TMEM132D: variants seen among roughly 807,000 people sequenced by gnomAD.
TMEM132D encodes transmembrane protein 132D.
TMEM132D carries 21 observed loss-of-function variants against 62.3 expected under a neutral mutation model. The ratio of observed to expected loss-of-function variants is 0.34; its 90% CI spans 0.24 to 0.49. The LOEUF (loss-of-function observed/expected upper bound fraction) is 0.49, where lower values mean the gene tolerates loss of function less well. Ranked by LOEUF, TMEM132D falls within the 20% of genes least tolerant of loss-of-function variation. The probability of loss-of-function intolerance (pLI) is 0.99; values close to 1 mark genes in which losing one functional copy is unlikely to be tolerated. For synonymous variants in TMEM132D, 621 were observed against 575.6 expected, an observed-to-expected ratio of 1.08 and a Z score of -1.13; for missense variants, 1,346 against 1,402.8, an observed-to-expected ratio of 0.96 and a Z score of 0.65.
At chr12:129,192,316 A>G (rs528948740) in intron 5 of TMEM132D, among the ~76,000 whole-genome samples, 2 of 138,370 alleles carry the variant, frequency 1.4e-5, no homozygotes, top group Non-Finnish European at 3.3e-5. Flanking sequence ...TGTAGCCATG[A>G]CCTCCAAAGT....
chr12:129,095,650 C>G (rs968542122), intron 5 of TMEM132D, among the ~76,000 whole-genome samples: 2 of 152,102 alleles, frequency 1.3e-5, no homozygotes, highest in African/African-American at 2.4e-5. Flanking sequence ...CTGTGCCTGG[C>G]CTGGTTTCCT....
intron 3 of TMEM132D, among the ~76,000 whole-genome samples, chr12:129,376,969 G>T (rs1263219416): frequency 6.6e-6 from 1 of 152,192 alleles, no homozygotes; most frequent in Non-Finnish European, 1.5e-5. Flanking sequence ...TTCCTTGTGT[G>T]TCCCATAAGT....
intron 3 of TMEM132D, among the ~76,000 whole-genome samples, chr12:129,445,288 CA>C (rs1873063209): frequency 6.6e-6 from 1 of 152,008 alleles, no homozygotes; most frequent in Admixed American, 6.6e-5. Context: ...AAGAGGGGAA[CA>C]ACACGCTGGG....
intron 3 of TMEM132D, among the ~76,000 whole-genome samples, chr12:129,471,659 G>C (rs1874096649): frequency 6.6e-6 from 1 of 152,182 alleles, no homozygotes; most frequent in Non-Finnish European, 1.5e-5. Context: ...CATGAGGAAG[G>C]CATGTCAAAA....
At chr12:129,698,664 A>G (rs1192449491) in intron 2 of TMEM132D, among the ~76,000 whole-genome samples, 1 of 1,368 alleles carries the variant, frequency 7.3e-4, no homozygotes, top group Non-Finnish European at 1.5e-3. Flanking sequence ...GGGGGAGGGG[A>G]GGGGAGGGGG....
In TMEM132D at chr12:129,753,596, A is replaced by G. The variant is rs540373384; in HGVS notation, c.80-52898T>C. ...TCTTATCCCCTAAAAATAAGGGTAG[A>G]CTGACAACTTAATTGAAAAAAGACA... On this transcript the variant is annotated intron_variant, in intron 1 of 8. Transcript: ENST00000422113. Among the ~76,000 whole-genome samples the G allele has an allele frequency of 2.0e-5, 3 of 152,318 alleles. No individual in the cohort carries two copies. The East Asian group carries it at 5.8e-4, about 29-fold the overall frequency.
intron 2 of TMEM132D, among the ~76,000 whole-genome samples, chr12:129,608,421 C>T (rs774244387): frequency 2.0e-5 from 3 of 152,068 alleles, no homozygotes; most frequent in African/African-American, 4.8e-5. Context: ...AATGAAGGTT[C>T]GGTTGTCACT....
chr12:129,087,787 G>T (rs1382284471), intron 5 of TMEM132D, among the ~76,000 whole-genome samples: 1 of 152,244 alleles, frequency 6.6e-6, no homozygotes, highest in Non-Finnish European at 1.5e-5. Context: ...TTTGTGGTGT[G>T]ATGGTTTGTT....
chr12:129,705,038 G>GA, intron 1 of TMEM132D, among the ~76,000 whole-genome samples: 1 of 152,050 alleles, frequency 6.6e-6, no homozygotes, highest in Middle Eastern at 3.4e-3. Flanking sequence ...GAAAAATGCA[G>GA]AAAATTGAAT....
chr12:129,450,063 G>GA (rs1873226539), intron 3 of TMEM132D, among the ~76,000 whole-genome samples: 2 of 151,974 alleles, frequency 1.3e-5, no homozygotes, highest in Non-Finnish European at 2.9e-5. Flanking sequence ...TTCTGCACGG[G>GA]TTTTTTTCTC....
chr12:129,216,777 G>C, intron 4 of TMEM132D, among the ~76,000 whole-genome samples: 1 of 152,126 alleles, frequency 6.6e-6, no homozygotes, highest in East Asian at 1.9e-4. Context: ...CACTCACCCT[G>C]GGCATCCACC....
chr12:129,202,427 A>T (rs1878730612), intron 5 of TMEM132D, among the ~76,000 whole-genome samples: 1 of 152,214 alleles, frequency 6.6e-6, no homozygotes. Context: ...TAAGTTGTGC[A>T]TCGGGCTTTG....
intron 3 of TMEM132D, chr12:129,521,330 A>G (rs540072057): frequency 2.6e-5 from 4 of 152,326 alleles, no homozygotes; most frequent in South Asian, 4.1e-4. Context: ...ATTTGTTTAA[A>G]GAAGTAAACG....
chr12:129,687,263 G>T (rs993991063), intron 2 of TMEM132D, among the ~76,000 whole-genome samples: 2 of 152,180 alleles, frequency 1.3e-5, no homozygotes, highest in Non-Finnish European at 2.9e-5. Context: ...GGAATGTGAG[G>T]TCGAATGTAT....
intron 4 of TMEM132D, among the ~76,000 whole-genome samples, chr12:129,275,266 G>A (rs1301822228): frequency 2.0e-5 from 3 of 152,026 alleles, no homozygotes; most frequent in Non-Finnish European, 4.4e-5. Flanking sequence ...GGGTGACAAA[G>A]CAAAACTCAG....
Position 129,298,923 on chromosome 12 carries a change from G to A in TMEM132D, c.1299+38711C>T, listed in dbSNP as rs529807763. Among the ~76,000 whole-genome samples the A allele has an allele frequency of 6.0e-4, 92 of 152,290 alleles. 2 individuals carry two copies. In the South Asian group the frequency reaches 0.018, roughly 30 times the overall value. ...GACGATAAACCTCCTCTTAGCACGA[G>A]ACTTAAAAGACACGGTCACTGGCAA... On this transcript the variant is annotated intron_variant, in intron 4 of 8. Transcript: ENST00000422113.
chr12:129,198,284 A>G (rs1429990454), intron 5 of TMEM132D, among the ~76,000 whole-genome samples: 2 of 152,350 alleles, frequency 1.3e-5, no homozygotes, highest in East Asian at 1.9e-4. Context: ...AAATAGAATT[A>G]CCATATAATC....
chr12:129,700,715 G>A lies in TMEM132D; in HGVS notation c.80-17C>T, dbSNP rs1228274493. ...CTTCCGTCACTGTGGGGAGGGAATCGCAGTGCAGGCGTTAGTAATGCTAAG... is the reference window on the plus strand; with the variant it reads ...CTTCCGTCACTGTGGGGAGGGAATCACAGTGCAGGCGTTAGTAATGCTAAG... On this transcript the variant is annotated splice_polypyrimidine_tract_variant and intron_variant, in intron 1 of 8. Coordinates refer to ENST00000422113, the MANE Select transcript of TMEM132D (RefSeq NM_133448.3). The A allele has an allele frequency of 1.3e-6, 2 of 1,588,834 alleles. No individual in the cohort carries two copies. Among genetic ancestry groups the A allele is most frequent in the Admixed American group, 1.7e-5 (1 of 58,418 alleles).
intron 2 of TMEM132D, among the ~76,000 whole-genome samples, chr12:129,585,299 A>G (rs1320526795): frequency 6.6e-6 from 1 of 152,226 alleles, no homozygotes; most frequent in Non-Finnish European, 1.5e-5. Context: ...GGACGCCCAC[A>G]TTCTACATAG....
Sources: allele counts gnomAD v4.1 joint callset (sites outside exome capture counted in the v4.1 genomes callset), GRCh38; gene constraint gnomAD v4.1.1; transcripts MANE v1.5; gene names NCBI Gene and HGNC (gene_info 2026-07-23, HGNC 2026-07-21).